Variants in SMIM14 observed in about 807,000 individuals in gnomAD.
The protein encoded by SMIM14 is chromosome 4 open reading frame 34.
SMIM14 carries 5 observed loss-of-function variants against 12.6 expected under a neutral mutation model. That is an observed-to-expected ratio of 0.40 (90% CI 0.21 to 0.83). The LOEUF is 0.83. SMIM14 is among the 40% of genes least tolerant of loss of function. SMIM14 has a pLI of 0.37. For missense variants in SMIM14, 86 were observed against 119.1 expected, an observed-to-expected ratio of 0.72 and a Z score of 1.29; for synonymous variants, 30 against 40.1, an observed-to-expected ratio of 0.75 and a Z score of 0.95.
Position 39,558,427 on chromosome 4 carries a change from G to A in SMIM14, c.125-1857C>T, listed in dbSNP as rs1215614697. On this transcript the variant is annotated intron_variant, in intron 3 of 4. Coordinates refer to ENST00000295958, the MANE Select transcript of SMIM14 (RefSeq NM_174921.3). The surrounding 1 kb of genome is among the most constrained non-coding windows in gnomAD (Gnocchi z 4.3). ...CTGCTGCAGCTGCACAGATAAGCCT[G>A]GACAGATAAGCAGCCAGTAAAGCAA... Among the ~76,000 whole-genome samples the A allele has an allele frequency of 6.6e-6, 1 of 152,182 alleles. No individual in the cohort carries two copies. Among genetic ancestry groups the A allele is most frequent in the African/African-American group, 2.4e-5 (1 of 41,446 alleles).
At chr4:39,627,429 A>T (rs2109253474) in intron 1 of SMIM14, among the ~76,000 whole-genome samples, 1 of 152,318 alleles carries the variant, frequency 6.6e-6, no homozygotes, top group Non-Finnish European at 1.5e-5. Flanking sequence ...TAGACAAAAA[A>T]CTTAAGGCAG....
chr4:39,623,356 A>AG (rs1446234867), intron 1 of SMIM14, among the ~76,000 whole-genome samples: 1 of 152,232 alleles, frequency 6.6e-6, no homozygotes, highest in Admixed American at 6.5e-5. Flanking sequence ...ACATTTTTAT[A>AG]GAAAAACAAA....
At position 39,597,314 on chromosome 4, in the gene SMIM14, G is replaced by A. The variant is rs193212859; in HGVS notation, c.75+7757C>T. Among the ~76,000 whole-genome samples, 123 of 152,048 alleles carry A rather than the reference G, an allele frequency of 8.1e-4. 1 individual carries two copies. Among genetic ancestry groups the A allele is most frequent in the Admixed American group, 2.9e-3 (44 of 15,244 alleles). Reference sequence around the variant, plus strand: ...GACAGAAAAATATAATTTTCAGATGGTATTGACTTTTCAAGGAATTAAACT... The same window carrying A: ...GACAGAAAAATATAATTTTCAGATGATATTGACTTTTCAAGGAATTAAACT... On this transcript the variant is annotated intron_variant, in intron 2 of 4. Transcript: ENST00000295958.
At chr4:39,637,261 G>C (rs1007477996) in intron 1 of SMIM14, among the ~76,000 whole-genome samples, 8 of 151,708 alleles carry the variant, frequency 5.3e-5, no homozygotes, top group African/African-American at 1.9e-4. Flanking sequence ...AAAGTATTTC[G>C]TATAACCAAA....
chr4:39,621,619 A>G (rs934156398), intron 1 of SMIM14, among the ~76,000 whole-genome samples: 4 of 152,074 alleles, frequency 2.6e-5, no homozygotes, highest in Non-Finnish European at 5.9e-5. Flanking sequence ...GATGATCTAA[A>G]TATCCAGCTA....
intron 3 of SMIM14, among the ~76,000 whole-genome samples, chr4:39,559,759 G>A (rs1041225650): frequency 1.3e-5 from 2 of 152,092 alleles, no homozygotes; most frequent in Non-Finnish European, 2.9e-5. Flanking sequence ...AAAGAGCTGA[G>A]CTGGCCTAAG....
intron 2 of SMIM14, among the ~76,000 whole-genome samples, chr4:39,596,163 T>G (rs1280863572): frequency 6.6e-6 from 1 of 152,016 alleles, no homozygotes; most frequent in Non-Finnish European, 1.5e-5. Context: ...TGGCGTGATC[T>G]CGGCTCACCG....
chr4:39,615,399 G>C (rs1035569685), intron 1 of SMIM14, among the ~76,000 whole-genome samples: 1 of 152,084 alleles, frequency 6.6e-6, no homozygotes, highest in Non-Finnish European at 1.5e-5. Context: ...AATGAATGGG[G>C]GGATTTTTAG....
At chr4:39,584,319 T>C (rs1713665163) in intron 2 of SMIM14, among the ~76,000 whole-genome samples, 1 of 149,726 alleles carries the variant, frequency 6.7e-6, no homozygotes, top group Non-Finnish European at 1.5e-5. Flanking sequence ...TTGTCTCTAC[T>C]AAAAATATAA....
intron 1 of SMIM14, among the ~76,000 whole-genome samples, chr4:39,637,370 A>T (rs1716134224): frequency 6.6e-6 from 1 of 152,226 alleles, no homozygotes; most frequent in African/African-American, 2.4e-5. Context: ...CTACAGTAGT[A>T]AGAAAAAATA....
chr4:39,602,468 G>A (rs1183470189), intron 2 of SMIM14, among the ~76,000 whole-genome samples: 2 of 151,996 alleles, frequency 1.3e-5, no homozygotes, highest in African/African-American at 2.4e-5. Context: ...GGTGGCAGGC[G>A]CCTGTAATTC....
chr4:39,615,081 TAG>T (rs901510042), intron 1 of SMIM14, among the ~76,000 whole-genome samples: 11 of 151,978 alleles, frequency 7.2e-5, no homozygotes, highest in Non-Finnish European at 1.2e-4. Context: ...AAATAGCCGA[TAG>T]AGTCTCTAAA....
Position 39,548,707 on chromosome 4 carries a change from TCAA to T in SMIM14, c.*3416_*3418del, listed in dbSNP as rs1186337212. The T allele has an allele frequency of 6.6e-6, 1 of 152,208 alleles. No homozygotes were observed. Among genetic ancestry groups the T allele is most frequent in the African/African-American group, 2.4e-5 (1 of 41,446 alleles). 9.4% of individuals were successfully genotyped at this position (152,208 alleles called of 1,614,324 possible). A position where few individuals can be genotyped will look rare whatever the true frequency, so the allele number is the denominator to read the frequency against. ...AAATGGAATAATATAAATTACTAGG[TCAA>T]CAAGAATATTTCATGTATAGTACAC... On this transcript the variant is annotated 3_prime_UTR_variant, in exon 5 of 5. Coordinates refer to ENST00000295958, the MANE Select transcript of SMIM14 (RefSeq NM_174921.3).
At chr4:39,570,518 T>C (rs1560287092) in intron 3 of SMIM14, among the ~76,000 whole-genome samples, 1 of 152,298 alleles carries the variant, frequency 6.6e-6, no homozygotes, top group Middle Eastern at 3.4e-3. Flanking sequence ...AAAAAATTAT[T>C]TGTCCTCCCC....
At chr4:39,590,519 C>A (rs764199148) in intron 2 of SMIM14, among the ~76,000 whole-genome samples, 8 of 149,990 alleles carry the variant, frequency 5.3e-5, no homozygotes, top group Non-Finnish European at 1.2e-4. Flanking sequence ...CCATAGTTAT[C>A]GGCTGGGCGT....
intron 1 of SMIM14, chr4:39,612,013 G>T (rs1452250020): frequency 6.6e-6 from 1 of 151,776 alleles, no homozygotes; most frequent in Non-Finnish European, 1.5e-5. Flanking sequence ...GGGAGATGGA[G>T]ATGCGGCCTG....
intron 3 of SMIM14, among the ~76,000 whole-genome samples, chr4:39,557,794 T>C (rs1294718875): frequency 6.6e-6 from 1 of 152,044 alleles, no homozygotes; most frequent in African/African-American, 2.4e-5. Context: ...GGGGGAAAAA[T>C]CTGCTTCTTA....
intron 1 of SMIM14, among the ~76,000 whole-genome samples, chr4:39,636,560 G>A (rs1181621362): frequency 6.6e-6 from 1 of 152,176 alleles, no homozygotes; most frequent in East Asian, 1.9e-4. Context: ...CCAGTGGGCT[G>A]GACCTGGTGT....
intron 3 of SMIM14, among the ~76,000 whole-genome samples, chr4:39,564,124 A>C (rs2109995033): frequency 6.6e-6 from 1 of 152,352 alleles, no homozygotes; most frequent in African/African-American, 2.4e-5. Flanking sequence ...AGGTAGAGAC[A>C]GAGGCTCTAA....
Sources: gnomAD v4.1 joint callset for allele counts (sites outside exome capture counted in the v4.1 genomes callset) on GRCh38, gnomAD v4.1.1 for gene constraint, Gnocchi (gnomAD v3.1) non-coding constraint, MANE v1.5 for transcripts, NCBI Gene and HGNC (gene_info 2026-07-23, HGNC 2026-07-21) for gene names.